Variants in LHCGR observed in about 807,000 individuals in gnomAD.
LHCGR encodes lutropin-choriogonadotropic hormone receptor.
LHCGR carries 55 observed loss-of-function variants against 60.7 expected under a neutral mutation model. The observed-to-expected ratio is 0.91, with a 90% CI of 0.73 to 1.13. The LOEUF is 1.13. Among genes scored for constraint, LHCGR ranks in the 50% most tolerant of loss-of-function variants. The pLI is 0.00. For synonymous variants in LHCGR, 337 were observed against 316.5 expected (o/e 1.06, Z -0.69); for missense variants, 862 against 836.0 (o/e 1.03, Z -0.38).
At chr2:48,698,128 A>G (rs1667216679) in intron 9 of LHCGR, among the ~76,000 whole-genome samples, 1 of 152,180 alleles carries the variant, frequency 6.6e-6, no homozygotes, top group African/African-American at 2.4e-5. Context: ...GCTTATCTTT[A>G]GCTGTAATTC....
intron 8 of LHCGR, among the ~76,000 whole-genome samples, chr2:48,708,413 G>A (rs573205811): frequency 5.6e-4 from 85 of 152,230 alleles, no homozygotes; most frequent in Admixed American, 1.1e-3. Context: ...ATATCTTGAC[G>A]TTCCCAGTAC....
chr2:48,749,481 C>A (rs1250547488), intron 1 of LHCGR, among the ~76,000 whole-genome samples: 1 of 152,206 alleles, frequency 6.6e-6, no homozygotes, highest in Non-Finnish European at 1.5e-5. Context: ...AGCAGCAGGG[C>A]TTCTCTTCAC....
chr2:48,753,670 T>C (rs1670080989), intron 1 of LHCGR, among the ~76,000 whole-genome samples: 1 of 152,164 alleles, frequency 6.6e-6, no homozygotes, highest in African/African-American at 2.4e-5. Context: ...GGTCCCCTCC[T>C]GAGAACAGCA....
chr2:48,696,836 G>A (rs1221739205), intron 9 of LHCGR, among the ~76,000 whole-genome samples: 2 of 151,112 alleles, frequency 1.3e-5, no homozygotes, highest in African/African-American at 4.9e-5. Context: ...ACATGCCAGT[G>A]ATTTCAGAAG....
In LHCGR at chr2:48,687,893, A is replaced by G; in HGVS notation, c.1904T>C (p.Phe635Ser). ...GCAGCCAAATTTGCTCAGCAAAAGA[A>G]AGAAATCTCTTTGGAATGTCTTAGT... Reference protein sequence around the residue: ...IFTKTFQRDFFLLLSKFGCCK... With the variant: ...IFTKTFQRDFSLLLSKFGCCK... Residue 635 changes from phenylalanine (F) to serine (S), a missense_variant, in exon 11 of 11, where the codon TTT becomes TCT. Phe to Ser is a radical substitution (Grantham distance 155, BLOSUM62 -2). Transcript: ENST00000294954. 1 of 1,614,204 alleles carries G rather than the reference A, an allele frequency of 6.2e-7. No individual in the cohort carries two copies. The highest frequency in any genetic ancestry group is 8.5e-7 in the Non-Finnish European group (1 of 1,180,032).
Position 48,688,424 on chromosome 2 carries a change from G to C in LHCGR, c.1373C>G (p.Thr458Ser). The stretch of plus-strand genomic sequence containing the variant: ...GTGCCATCTTTCTAGAGTGATGACG[G>C]TGAGGGTGTAGACAGAAAGTTCACT... Reference protein sequence around the residue: ...FASELSVYTLTVITLERWHTI... With the variant: ...FASELSVYTLSVITLERWHTI... Residue 458 changes from threonine to serine, a missense_variant, in exon 11 of 11, where the codon ACC (threonine) becomes AGC (serine). Physicochemically the swap from Thr to Ser is moderately conservative, Grantham distance 58. Coordinates refer to ENST00000294954, the MANE Select transcript of LHCGR (RefSeq NM_000233.4). This position sits in a 1 kb window ranked among gnomAD's most constrained non-coding sequence, Gnocchi z 5.2. 6.2e-7 allele frequency: 1 copy of C among 1,614,186 alleles called. No individual in the cohort carries two copies. The highest frequency in any genetic ancestry group is 8.5e-7 in the Non-Finnish European group (1 of 1,180,040).
intron 1 of LHCGR, among the ~76,000 whole-genome samples, chr2:48,738,769 T>C (rs1051608761): frequency 3.3e-5 from 5 of 152,240 alleles, no homozygotes; most frequent in African/African-American, 7.2e-5. Flanking sequence ...GAAAAAAGAA[T>C]GTAAAATATC....
In LHCGR at chr2:48,688,012, T is replaced by C. The variant is rs1679987797; in HGVS notation, c.1785A>G (p.Lys595=). 6.2e-7 allele frequency: 1 copy of C among 1,614,024 alleles called. No individual in the cohort carries two copies. The highest frequency in any genetic ancestry group is 1.1e-5 in the South Asian group (1 of 91,084). ...ISFFAISAAF[K]VPLITVTNSK... is the part of the protein sequence containing the mutation. ...AGTTGGTTACTGTGATAAGAGGTAC[T>C]TTGAAGGCAGCTGAGATGGCAAAAA... Residue 595 remains lysine (K), a synonymous_variant, in exon 11 of 11, where the codon AAA becomes AAG. Transcript: ENST00000294954. The surrounding 1 kb of genome is among the most constrained non-coding windows in gnomAD (Gnocchi z 5.2).
chr2:48,718,137 G>C (rs1303034940), intron 6 of LHCGR, among the ~76,000 whole-genome samples: 3 of 151,980 alleles, frequency 2.0e-5, no homozygotes, highest in Non-Finnish European at 2.9e-5. Flanking sequence ...AAATGAGGAA[G>C]GCTTCCTTTG....
intron 10 of LHCGR, among the ~76,000 whole-genome samples, chr2:48,691,848 A>G (rs1666862718): frequency 1.8e-5 from 2 of 114,248 alleles, no homozygotes; most frequent in East Asian, 3.9e-4. Context: ...TCTGTCTCAA[A>G]AAAAAAAAAA....
chr2:48,698,910 C>G (rs986735260), intron 8 of LHCGR, 110 bp from the exon 9 acceptor site: 3 of 832,796 alleles, frequency 3.6e-6, no homozygotes, highest in Admixed American at 2.3e-5. Flanking sequence ...GGCACGACCT[C>G]GGCTCACTGC....
At chr2:48,730,531 G>T (rs751321566) in intron 2 of LHCGR, among the ~76,000 whole-genome samples, 1 of 152,172 alleles carries the variant, frequency 6.6e-6, no homozygotes, top group African/African-American at 2.4e-5. Flanking sequence ...TGCTTCCAAA[G>T]TCCAGTGGAT....
intron 3 of LHCGR, among the ~76,000 whole-genome samples, 172 bp from the exon 4 acceptor site, chr2:48,725,922 T>A (rs913073575): frequency 1.3e-5 from 2 of 152,148 alleles, no homozygotes; most frequent in African/African-American, 4.8e-5. Flanking sequence ...AATGGCTTGG[T>A]GAGAGCCAGT....
rs555554085 is a variant in LHCGR, at chr2:48,706,582, C to T, written c.680+2366G>A. 5.5e-4 allele frequency among the ~76,000 whole-genome samples: 83 copies of T among 152,242 alleles called. 1 individual carries two copies. The highest frequency in any genetic ancestry group is 7.9e-4 in the Non-Finnish European group (54 of 68,004). ...GTCCCATATTTCTTGAGACCTTGTT[C>T]GTTTGTTTTCACTTTTTTTTCTCTA... On this transcript the variant is annotated intron_variant, in intron 8 of 10. Coordinates refer to ENST00000294954, the MANE Select transcript of LHCGR (RefSeq NM_000233.4).
intron 2 of LHCGR, among the ~76,000 whole-genome samples, chr2:48,729,816 T>G (rs1002618636): frequency 6.6e-6 from 1 of 152,188 alleles, no homozygotes; most frequent in African/African-American, 2.4e-5. Context: ...TTTTCTCACT[T>G]GTGAGCAAAC....
Position 48,688,361 on chromosome 2 carries a change from C to T in LHCGR, c.1436G>A (p.Arg479Gln), listed in dbSNP as rs747233599. ...CATAATCAGAATGGCATGTCTTAAT[C>T]GCAGCTTTTGGTCCAGGTGAATAGC... The part of the protein sequence containing the change: ...TYAIHLDQKL[R>Q]LRHAILIMLG... Residue 479 changes from arginine to glutamine, a missense_variant, in exon 11 of 11, where the codon CGA becomes CAA. By Grantham distance (43) the Arg-to-Gln change is conservative (BLOSUM62 1). Coordinates refer to ENST00000294954, the MANE Select transcript of LHCGR (RefSeq NM_000233.4). The surrounding 1 kb of genome is among the most constrained non-coding windows in gnomAD (Gnocchi z 5.2). The T allele has an allele frequency of 7.4e-5, 119 of 1,613,950 alleles. No homozygotes were observed. The highest frequency in any genetic ancestry group is 8.9e-5 in the Non-Finnish European group (105 of 1,180,038).
At chr2:48,721,253 T>C (rs1424620908) in intron 6 of LHCGR, 1 of 158,534 alleles carries the variant, frequency 6.3e-6, no homozygotes, top group Admixed American at 6.1e-5. Context: ...AATTTGTTTG[T>C]TGAATACCTT....
At chr2:48,689,146 CAT>C (rs778932153) in intron 10 of LHCGR, among the ~76,000 whole-genome samples, 73 of 150,796 alleles carry the variant, frequency 4.8e-4, no homozygotes, top group African/African-American at 1.4e-3. Flanking sequence ...TATGTACACA[CAT>C]ATACATATAT....
chr2:48,713,835 A>C, intron 7 of LHCGR, 151 bp downstream of exon 7: 1 of 712,120 alleles, frequency 1.4e-6, no homozygotes, highest in Non-Finnish European at 2.5e-6. Context: ...CTAGCCAGCC[A>C]GTTGCCTAGT....
Sources: gnomAD v4.1 joint callset for allele counts (sites outside exome capture counted in the v4.1 genomes callset) on GRCh38, gnomAD v4.1.1 for gene constraint, Gnocchi (gnomAD v3.1) non-coding constraint, MANE v1.5 for transcripts, NCBI Gene and HGNC (gene_info 2026-07-23, HGNC 2026-07-21) for gene names.